The following CNTN5 variants were observed in gnomAD, a reference collection of about 807,000 sequenced individuals.
The protein encoded by CNTN5 is contactin-5.
Under a neutral mutation model 129.1 loss-of-function variants are expected in CNTN5, and 77 were observed. That is an observed-to-expected ratio of 0.60 (90% CI 0.50 to 0.72). CNTN5 has a LOEUF of 0.72. Among genes scored for constraint, CNTN5 ranks in the 30% least tolerant of loss-of-function variants. CNTN5 has a pLI of 0.00. For synonymous variants in CNTN5, 509 were observed against 465.6 expected, an observed-to-expected ratio of 1.09 and a Z score of -1.20; for missense variants, 1,478 against 1,328.8, an observed-to-expected ratio of 1.11 and a Z score of -1.75.
intron 9 of CNTN5, among the ~76,000 whole-genome samples, chr11:100,038,824 C>G (rs747579463): frequency 9.2e-5 from 14 of 152,194 alleles, no homozygotes; most frequent in African/African-American, 1.4e-4. Context: ...TTGCTTGATA[C>G]ATCTTCCTCT....
intron 6 of CNTN5, among the ~76,000 whole-genome samples, chr11:99,894,515 C>CAAAAAAAAAAAAAAA (rs202067813): frequency 4.7e-5 from 5 of 107,482 alleles, no homozygotes; most frequent in East Asian, 2.9e-4. Flanking sequence ...GTACCAGCAG[C>CAAAAAAAAAAAAAAA]AAAAAAAAAA....
chr11:99,961,916 C>A (rs922236047), intron 8 of CNTN5, among the ~76,000 whole-genome samples: 1 of 152,110 alleles, frequency 6.6e-6, no homozygotes, highest in African/African-American at 2.4e-5. Context: ...TCAGACACAG[C>A]ATCAGGGGAA....
chr11:99,478,693 A>C (rs1394463006), intron 2 of CNTN5, among the ~76,000 whole-genome samples: 1 of 152,146 alleles, frequency 6.6e-6, no homozygotes, highest in Non-Finnish European at 1.5e-5. Flanking sequence ...TGTAAAATGC[A>C]TGGTGAAGGT....
At chr11:100,040,557 TGCCCCCAGAGGTGGA>T (rs1942316308) in intron 9 of CNTN5, among the ~76,000 whole-genome samples, 1 of 152,246 alleles carries the variant, frequency 6.6e-6, no homozygotes, top group Admixed American at 6.5e-5. Flanking sequence ...GTCTGTGCCC[TGCCCCCAGAGGTGGA>T]GCCTACAGAG....
chr11:99,718,752 CTT>C (rs1433755492), intron 3 of CNTN5, among the ~76,000 whole-genome samples: 1 of 152,054 alleles, frequency 6.6e-6, no homozygotes, highest in East Asian at 1.9e-4. Context: ...GTACCAAACA[CTT>C]TGCTAAGTGT....
chr11:99,668,538 T>A (rs1952894750), intron 3 of CNTN5, among the ~76,000 whole-genome samples: 2 of 152,184 alleles, frequency 1.3e-5, no homozygotes, highest in African/African-American at 4.8e-5. Flanking sequence ...AGAAGCTTTG[T>A]TTCCTGCCAT....
At chr11:99,390,131 C>CTTTTT (rs11396242) in intron 2 of CNTN5, among the ~76,000 whole-genome samples, 1 of 149,120 alleles carries the variant, frequency 6.7e-6, no homozygotes, top group African/African-American at 2.5e-5. Context: ...TAAAATAAGC[C>CTTTTT]TTTTTTTTTT....
chr11:99,030,134 A>G (rs1380880031), intron 1 of CNTN5, among the ~76,000 whole-genome samples: 1 of 152,142 alleles, frequency 6.6e-6, no homozygotes, highest in East Asian at 1.9e-4. Context: ...CAACACCATA[A>G]CCTTTCTATG....
At chr11:99,192,440 G>A (rs1048628057) in intron 1 of CNTN5, among the ~76,000 whole-genome samples, 2 of 151,372 alleles carry the variant, frequency 1.3e-5, no homozygotes, top group African/African-American at 4.8e-5. Context: ...TTGATTAATG[G>A]AAAAGTCAAT....
intron 13 of CNTN5, among the ~76,000 whole-genome samples, chr11:100,183,906 T>G (rs1948215713): frequency 6.6e-6 from 1 of 152,166 alleles, no homozygotes; most frequent in African/African-American, 2.4e-5. Flanking sequence ...TCTCATCTTT[T>G]GCCCCTCCCT....
At chr11:99,233,588 G>A (rs1019003585) in intron 1 of CNTN5, among the ~76,000 whole-genome samples, 13 of 152,194 alleles carry the variant, frequency 8.5e-5, no homozygotes, top group African/African-American at 3.1e-4. Flanking sequence ...GTTGGGTCAT[G>A]ATCAATTAGT....
chr11:99,736,009 CTT>C (rs1193398254), intron 3 of CNTN5, among the ~76,000 whole-genome samples: 3 of 148,014 alleles, frequency 2.0e-5, no homozygotes, highest in Non-Finnish European at 3.0e-5. Context: ...ATTTCTTTTT[CTT>C]TCTCTTTTTT....
intron 3 of CNTN5, among the ~76,000 whole-genome samples, chr11:99,757,743 A>G (rs1055538417): frequency 6.6e-6 from 1 of 152,066 alleles, no homozygotes; most frequent in African/African-American, 2.4e-5. Flanking sequence ...CTGAGCTTGA[A>G]TTCCGACTCT....
intron 3 of CNTN5, among the ~76,000 whole-genome samples, chr11:99,745,789 T>A (rs1399929812): frequency 2.0e-5 from 3 of 152,072 alleles, no homozygotes; most frequent in Admixed American, 1.3e-4. Flanking sequence ...GTTAGGCACA[T>A]GTGACACAAA....
At chr11:100,262,127 G>C (rs1490117375) in intron 17 of CNTN5, among the ~76,000 whole-genome samples, 2 of 152,112 alleles carry the variant, frequency 1.3e-5, no homozygotes, top group East Asian at 3.8e-4. Flanking sequence ...ATCAAAAAGT[G>C]GGCAAAGGAT....
chr11:99,845,003 T>C, intron 5 of CNTN5, 28 bp downstream of exon 5: 3 of 1,611,544 alleles, frequency 1.9e-6, no homozygotes, highest in Middle Eastern at 1.7e-4. Flanking sequence ...ATCATTTTTC[T>C]TAAGCCTTAA....
intron 7 of CNTN5, among the ~76,000 whole-genome samples, chr11:99,919,095 T>C (rs1403282733): frequency 6.6e-6 from 1 of 152,164 alleles, no homozygotes; most frequent in African/African-American, 2.4e-5. Flanking sequence ...TGTGCTCTCA[T>C]GACCAGACTT....
chr11:99,191,135 A>G (rs1225445916), intron 1 of CNTN5, among the ~76,000 whole-genome samples: 4 of 151,744 alleles, frequency 2.6e-5, no homozygotes, highest in Admixed American at 6.6e-5. Flanking sequence ...TGATGTGTGT[A>G]CCATATTTAT....
At chr11:99,943,858 A>T (rs562351993) in intron 7 of CNTN5, among the ~76,000 whole-genome samples, 2 of 151,822 alleles carry the variant, frequency 1.3e-5, no homozygotes, top group African/African-American at 2.4e-5. Context: ...GTGTGGTGTT[A>T]TTTCTGAGGC....
Sources: gnomAD v4.1 joint callset for allele counts (sites outside exome capture counted in the v4.1 genomes callset) on GRCh38, gnomAD v4.1.1 for gene constraint, MANE v1.5 for transcripts, NCBI Gene and HGNC (gene_info 2026-07-23, HGNC 2026-07-21) for gene names.